Variants in UNC5D observed in about 807,000 individuals in gnomAD.
UNC5D encodes unc-5 netrin receptor D.
In UNC5D, 39 loss-of-function variants were observed where a neutral mutation model predicts 105.4. The observed-to-expected ratio is 0.37, with a 90% CI of 0.29 to 0.48. The LOEUF (loss-of-function observed/expected upper bound fraction) is 0.48, where lower values mean the gene tolerates loss of function less well. Ranked by LOEUF, UNC5D falls within the 20% of genes least tolerant of loss-of-function variation. The probability of loss-of-function intolerance (pLI) is 0.98; values close to 1 mark genes in which losing one functional copy is unlikely to be tolerated. For missense variants in UNC5D, 991 were observed against 1,202.4 expected, an observed-to-expected ratio of 0.82 and a Z score of 2.60; for synonymous variants, 452 against 450.4, an observed-to-expected ratio of 1.00 and a Z score of -0.04.
chr8:35,787,516 G>A (rs1219999732), intron 16 of UNC5D, among the ~76,000 whole-genome samples: 3 of 151,946 alleles, frequency 2.0e-5, no homozygotes, highest in African/African-American at 7.3e-5. Flanking sequence ...CCTGGGTTTT[G>A]GTGACAGTGT....
intron 1 of UNC5D, among the ~76,000 whole-genome samples, chr8:35,467,542 C>T (rs969192898): frequency 4.9e-5 from 7 of 143,212 alleles, no homozygotes; most frequent in African/African-American, 1.8e-4. Context: ...ATATTTGAAA[C>T]CTTCCATGCC....
intron 13 of UNC5D, among the ~76,000 whole-genome samples, chr8:35,751,220 A>C (rs551733817): frequency 5.3e-5 from 8 of 152,250 alleles, no homozygotes; most frequent in Non-Finnish European, 1.2e-4. Flanking sequence ...CACAAGATAG[A>C]TGAGCCAGTT....
At chr8:35,639,097 A>G (rs1822553696) in intron 4 of UNC5D, among the ~76,000 whole-genome samples, 1 of 152,190 alleles carries the variant, frequency 6.6e-6, no homozygotes, top group Admixed American at 6.5e-5. Context: ...GAAAATGAAT[A>G]TTGTTCGGAT....
intron 1 of UNC5D, among the ~76,000 whole-genome samples, chr8:35,433,134 A>G (rs780806084): frequency 2.0e-5 from 3 of 152,192 alleles, no homozygotes; most frequent in African/African-American, 7.2e-5. Flanking sequence ...CTATCTTTGC[A>G]TGAAGACTTG....
At position 35,287,951 on chromosome 8, in the gene UNC5D, G is replaced by A. The variant is rs191947415; in HGVS notation, c.103+52064G>A. ...TCAACAATATAAAAGAGTGAAGAAG[G>A]CCTATGAAAATTATAGAACACCAGT... On this transcript the variant is annotated intron_variant, in intron 1 of 16. Coordinates refer to ENST00000404895, the MANE Select transcript of UNC5D (RefSeq NM_080872.4). Among the ~76,000 whole-genome samples the A allele has an allele frequency of 1.9e-3, 289 of 151,988 alleles. 2 individuals carry two copies. The highest frequency in any genetic ancestry group is 0.013 in the Admixed American group (193 of 15,262).
At chr8:35,353,274 T>A (rs1482730872) in intron 1 of UNC5D, among the ~76,000 whole-genome samples, 3 of 152,194 alleles carry the variant, frequency 2.0e-5, no homozygotes. Flanking sequence ...CACAGAGTCA[T>A]GAATGGCTCC....
chr8:35,682,523 T>C (rs1362405093), intron 4 of UNC5D, among the ~76,000 whole-genome samples: 1 of 152,186 alleles, frequency 6.6e-6, no homozygotes, highest in African/African-American at 2.4e-5. Flanking sequence ...TGAATGGTTG[T>C]TGTCAAACAA....
At chr8:35,312,395 A>G (rs1808959196) in intron 1 of UNC5D, among the ~76,000 whole-genome samples, 2 of 152,218 alleles carry the variant, frequency 1.3e-5, no homozygotes, top group Admixed American at 1.3e-4. Context: ...AAGATAAAAC[A>G]GCATTGCTTT....
chr8:35,480,158 A>G (rs1810382830), intron 1 of UNC5D, among the ~76,000 whole-genome samples: 1 of 152,172 alleles, frequency 6.6e-6, no homozygotes, highest in Admixed American at 6.5e-5. Context: ...AATATTGAGC[A>G]TATCACCTTT....
chr8:35,781,584 G>T (rs557140543), intron 16 of UNC5D, among the ~76,000 whole-genome samples: 70 of 152,134 alleles, frequency 4.6e-4, no homozygotes, highest in Non-Finnish European at 9.6e-4. Flanking sequence ...AGTTAACAAT[G>T]TCAGTACATC....
intron 4 of UNC5D, among the ~76,000 whole-genome samples, chr8:35,671,326 T>G (rs1824790826): frequency 6.6e-6 from 1 of 152,222 alleles, no homozygotes; most frequent in African/African-American, 2.4e-5. Context: ...TGACTCCTTT[T>G]CAAAATATGT....
At chr8:35,657,104 A>ATATG (rs1823821515) in intron 4 of UNC5D, among the ~76,000 whole-genome samples, 1 of 115,788 alleles carries the variant, frequency 8.6e-6, no homozygotes, top group African/African-American at 3.0e-5. Flanking sequence ...ATATATATAT[A>ATATG]TATATATATA....
In UNC5D at chr8:35,782,314, A is replaced by G. The variant is rs1348538021; in HGVS notation, c.2657+7837A>G. Among the ~76,000 whole-genome samples the G allele has an allele frequency of 2.6e-5, 4 of 152,320 alleles. No individual in the cohort carries two copies. The East Asian group carries it at 7.7e-4, about 29-fold the overall frequency. ...CATATGGAGGGTTGGTTTTGGTCAC[A>G]TAAGAGGCCTTCATTAAATTAGACA... On this transcript the variant is annotated intron_variant, in intron 16 of 16. Transcript: ENST00000404895.
At chr8:35,345,968 G>A (rs1811781819) in intron 1 of UNC5D, among the ~76,000 whole-genome samples, 1 of 151,988 alleles carries the variant, frequency 6.6e-6, no homozygotes. Context: ...TGACCTCTCA[G>A]GTCATGGCGT....
chr8:35,736,917 G>C (rs1829498480), intron 11 of UNC5D, among the ~76,000 whole-genome samples: 1 of 152,150 alleles, frequency 6.6e-6, no homozygotes, highest in South Asian at 2.1e-4. Flanking sequence ...GTAGGGGTGA[G>C]TGAGGCTTAA....
intron 1 of UNC5D, among the ~76,000 whole-genome samples, chr8:35,386,782 CTG>C (rs1480290711): frequency 6.6e-6 from 1 of 152,170 alleles, no homozygotes; most frequent in Non-Finnish European, 1.5e-5. Context: ...AAATCTGTGA[CTG>C]TGGGAAAGGG....
intron 1 of UNC5D, among the ~76,000 whole-genome samples, chr8:35,417,037 T>G (rs925687816): frequency 6.6e-6 from 1 of 152,200 alleles, no homozygotes; most frequent in East Asian, 1.9e-4. Context: ...AATCACATCA[T>G]GGAGAATGGA....
intron 4 of UNC5D, among the ~76,000 whole-genome samples, chr8:35,641,386 G>GAAAAAAAAAAAAAAAAAAAAGA (rs1209560462): frequency 2.3e-4 from 21 of 91,836 alleles, no homozygotes; most frequent in African/African-American, 7.4e-4. Context: ...AAAAAAAAAA[G>GAAAAAAAAAAAAAAAAAAAAGA]AAAAAAAAAA....
chr8:35,525,807 T>G, intron 1 of UNC5D: 1 of 1,459,818 alleles, frequency 6.9e-7, no homozygotes, highest in Non-Finnish European at 9.1e-7. Flanking sequence ...CTTTTTTGTT[T>G]TAATTATACA....
Sources: allele counts gnomAD v4.1 joint callset (sites outside exome capture counted in the v4.1 genomes callset), GRCh38; gene constraint gnomAD v4.1.1; transcripts MANE v1.5; gene names NCBI Gene and HGNC (gene_info 2026-07-23, HGNC 2026-07-21).